Variants in RHBDD1 observed in about 807,000 individuals in gnomAD.
RHBDD1 encodes rhomboid domain containing 1.
RHBDD1 carries 38 observed loss-of-function variants against 36.3 expected under a neutral mutation model. The observed-to-expected ratio is 1.05, with a 90% confidence interval of 0.81 to 1.37. The LOEUF (loss-of-function observed/expected upper bound fraction) is 1.37, where lower values mean the gene tolerates loss of function less well. RHBDD1 is among the 40% of genes most tolerant of loss of function. The probability of loss-of-function intolerance (pLI) is 0.00; values close to 1 mark genes in which losing one functional copy is unlikely to be tolerated. For missense variants in RHBDD1, 393 were observed against 377.6 expected (o/e 1.04, Z -0.34); for synonymous variants, 151 against 136.5 (o/e 1.11, Z -0.74).
the RHBDD1 span, among the ~76,000 whole-genome samples, chr2:226,808,866 C>CAA: frequency 2.3e-4 from 32 of 136,776 alleles, no homozygotes; most frequent in East Asian, 5.6e-3. Flanking sequence ...GAAGTAGTGT[C>CAA]AAAAAAAAAA....
At chr2:226,801,216 CGGGG>C in the RHBDD1 span, among the ~76,000 whole-genome samples, 2 of 152,122 alleles carry the variant, frequency 1.3e-5, no homozygotes, top group Non-Finnish European at 2.9e-5. Context: ...CGGCGGGCCG[CGGGG>C]GAGCGCGCCT....
At chr2:226,885,906 G>A (rs910758633) in intron 5 of RHBDD1, among the ~76,000 whole-genome samples, 13 of 152,158 alleles carry the variant, frequency 8.5e-5, no homozygotes, top group Admixed American at 4.6e-4. Flanking sequence ...GCTGTTAAGT[G>A]ACGAATGGGC....
rs940564627 is a variant in RHBDD1 at position 226,997,863 on chromosome 2, G to A, written c.*2341G>A. The A allele has an allele frequency of 1.3e-5, 2 of 152,136 alleles. No individual in the cohort carries two copies. Among genetic ancestry groups the A allele is most frequent in the African/African-American group, 4.8e-5 (2 of 41,424 alleles). The allele number at this position is 152,136 out of a possible 1,614,324, so 9.4% of individuals were successfully genotyped here. A position where few individuals can be genotyped will look rare whatever the true frequency, so the allele number is the denominator to read the frequency against. ...AATTATTATAATTATTTTAGTTAAT[G>A]GACTTGCCTGTAACAAGTGCTTATG... On this transcript the variant is annotated 3_prime_UTR_variant, in exon 9 of 9. Transcript: ENST00000392062.
chr2:226,807,334 T>C, the RHBDD1 span, among the ~76,000 whole-genome samples: 1 of 152,188 alleles, frequency 6.6e-6, no homozygotes. Flanking sequence ...AAAATAGTGG[T>C]TTTCTTTTAT....
chr2:226,933,814 T>C (rs1333801403), intron 8 of RHBDD1, among the ~76,000 whole-genome samples: 3 of 152,168 alleles, frequency 2.0e-5, no homozygotes, highest in Non-Finnish European at 4.4e-5. Flanking sequence ...GCTAGGAGCA[T>C]TCCTTATTCT....
intron 3 of RHBDD1, among the ~76,000 whole-genome samples, chr2:226,842,820 A>G (rs1439465818): frequency 6.6e-6 from 1 of 152,312 alleles, no homozygotes; most frequent in East Asian, 1.9e-4. Context: ...AACAATGTCA[A>G]TGAAAGTTTA....
intron 8 of RHBDD1, among the ~76,000 whole-genome samples, chr2:226,964,897 C>G (rs972837039): frequency 1.3e-5 from 2 of 152,166 alleles, no homozygotes; most frequent in Non-Finnish European, 2.9e-5. Flanking sequence ...TCTGATTTTT[C>G]TCTGAATGAG....
intron 5 of RHBDD1, among the ~76,000 whole-genome samples, chr2:226,894,491 G>C (rs928027542): frequency 6.6e-6 from 1 of 152,092 alleles, no homozygotes; most frequent in African/African-American, 2.4e-5. Context: ...GGCTGGTCTC[G>C]ATCTCCTGAT....
intron 8 of RHBDD1, among the ~76,000 whole-genome samples, chr2:226,959,995 G>A (rs1013958749): frequency 6.6e-6 from 1 of 151,932 alleles, no homozygotes; most frequent in Non-Finnish European, 1.5e-5. Flanking sequence ...GCTAATTTTT[G>A]TACTTTTAAA....
chr2:226,917,762 C>T (rs1949016543), intron 8 of RHBDD1, among the ~76,000 whole-genome samples: 1 of 151,854 alleles, frequency 6.6e-6, no homozygotes, highest in Non-Finnish European at 1.5e-5. Context: ...CATGAAAAAT[C>T]ACAAAAGTAT....
At chr2:226,869,309 C>A (rs765746702) in intron 5 of RHBDD1, 1 of 383,672 alleles carries the variant, frequency 2.6e-6, no homozygotes, top group Non-Finnish European at 3.6e-6. Flanking sequence ...TGATAAACTT[C>A]TAATATACAA....
chr2:226,868,415 T>G (rs1306629294), intron 5 of RHBDD1, among the ~76,000 whole-genome samples: 1 of 152,228 alleles, frequency 6.6e-6, no homozygotes, highest in Non-Finnish European at 1.5e-5. Context: ...CTTTGGTTCT[T>G]TTCTCTGCTT....
At chr2:226,994,727 C>A (rs1959035300) in intron 8 of RHBDD1, among the ~76,000 whole-genome samples, 2 of 152,160 alleles carry the variant, frequency 1.3e-5, no homozygotes, top group Non-Finnish European at 2.9e-5. Context: ...CCCTTTATTA[C>A]TACTCATGAT....
the RHBDD1 span, among the ~76,000 whole-genome samples, chr2:226,817,258 T>C: frequency 1.3e-5 from 2 of 152,202 alleles, no homozygotes; most frequent in South Asian, 4.1e-4. Flanking sequence ...TCAAATAACT[T>C]TTCTGAGAGC....
chr2:226,821,080 T>C, the RHBDD1 span, among the ~76,000 whole-genome samples: 3 of 152,210 alleles, frequency 2.0e-5, no homozygotes, highest in Non-Finnish European at 4.4e-5. Flanking sequence ...ATATGAATGA[T>C]GGCAAGGTTG....
chr2:226,828,804 T>C, the RHBDD1 span, among the ~76,000 whole-genome samples: 2 of 152,208 alleles, frequency 1.3e-5, no homozygotes, highest in East Asian at 3.8e-4. Context: ...AGGAAAATCC[T>C]CTATTAGATA....
chr2:226,911,168 T>C (rs1948489264), intron 7 of RHBDD1, among the ~76,000 whole-genome samples: 1 of 152,186 alleles, frequency 6.6e-6, no homozygotes, highest in Non-Finnish European at 1.5e-5. Context: ...ATATACAGTT[T>C]CTATGTGGTG....
Position 226,865,128 on chromosome 2 carries a change from T to G in RHBDD1, c.433+2T>G. The G allele has an allele frequency of 6.3e-7, 1 of 1,592,298 alleles. No individual in the cohort carries two copies. The highest frequency in any genetic ancestry group is 8.5e-7 in the Non-Finnish European group (1 of 1,171,350). ...GGAGCTGTGCTGTAGGTTTCTCAGG[T>G]AAGGGAGACAAAATTTTGAGGTTGC... On this transcript the variant is annotated splice_donor_variant, in intron 4 of 8. Coordinates refer to ENST00000392062, the MANE Select transcript of RHBDD1 (RefSeq NM_001167608.3). LOFTEE classifies it high-confidence loss of function.
At chr2:226,817,858 C>T in the RHBDD1 span, among the ~76,000 whole-genome samples, 1 of 152,206 alleles carries the variant, frequency 6.6e-6, no homozygotes, top group Non-Finnish European at 1.5e-5. Context: ...ACCTTTTTAA[C>T]AAGCTCTTCA....
Sources: allele counts gnomAD v4.1 joint callset (sites outside exome capture counted in the v4.1 genomes callset), GRCh38; gene constraint gnomAD v4.1.1; transcripts MANE v1.5; gene names NCBI Gene and HGNC (gene_info 2026-07-23, HGNC 2026-07-21).